CCP110: variants seen among roughly 807,000 people sequenced by gnomAD.
The protein encoded by CCP110 is centriolar coiled-coil protein 110.
A neutral mutation model predicts 105.5 loss-of-function variants in CCP110; 43 were observed. That is an observed-to-expected ratio of 0.41 (90% CI 0.32 to 0.53). The LOEUF (loss-of-function observed/expected upper bound fraction) is 0.53. Among genes scored for constraint, CCP110 ranks in the 20% least tolerant of loss-of-function variants. The probability of loss-of-function intolerance (pLI) is 0.32; values close to 1 mark genes in which losing one functional copy is unlikely to be tolerated. For synonymous variants in CCP110, 353 were observed against 392.1 expected (o/e 0.90, Z 1.18); for missense variants, 1,016 against 1,189.1 (o/e 0.85, Z 2.14).
exon 4 of CCP110, chr16:19,537,518 C>A (rs866623157): frequency 1.2e-6 from 2 of 1,602,430 alleles, no homozygotes; most frequent in Non-Finnish European, 1.7e-6. Context: ...GCAACATTTG[C>A]CAGAAAAAAG....
At chr16:19,535,371 A>C (rs2151468681) in intron 3 of CCP110, among the ~76,000 whole-genome samples, 1 of 152,258 alleles carries the variant, frequency 6.6e-6, no homozygotes, top group Middle Eastern at 3.4e-3. Flanking sequence ...TTTTGAGACA[A>C]AGTTTAGTTA....
In CCP110 at chr16:19,542,871, C is replaced by A; in HGVS notation, c.2368-7C>A. 6.3e-7 allele frequency: 1 copy of A among 1,578,402 alleles called. No homozygotes were observed. The highest frequency in any genetic ancestry group is 8.7e-7 in the Non-Finnish European group (1 of 1,147,922). On this transcript the variant is annotated splice_polypyrimidine_tract_variant and splice_region_variant and intron_variant, in intron 7 of 14. Transcript: ENST00000381396. ...AATAAACATTGTGTCTGTCTTCTTT[C>A]TCCTAGGTTTTTAGTCTGGAAATAC... is the stretch of plus-strand genomic sequence containing the variant.
At position 19,548,092 on chromosome 16, in the gene CCP110, C is replaced by A; in HGVS notation, c.2900+78C>A. Reference sequence around the variant, plus strand: ...GAGAGGGAAAAATAAATCTAGTGTTCTTTATGTAAAGGATAATGGTTTTTC... The same window carrying A: ...GAGAGGGAAAAATAAATCTAGTGTTATTTATGTAAAGGATAATGGTTTTTC... On this transcript the variant is annotated intron_variant, in intron 13 of 14. Transcript: ENST00000381396. The surrounding 1 kb of genome is among the most constrained non-coding windows in gnomAD (Gnocchi z 4.1). The A allele has an allele frequency of 2.0e-6, 2 of 1,004,294 alleles. No homozygotes were observed. The highest frequency in any genetic ancestry group is 3.2e-6 in the Non-Finnish European group (2 of 633,528). 62.2% of individuals were successfully genotyped at this position (1,004,294 alleles called of 1,614,324 possible).
rs762250914 is a variant in CCP110, at chr16:19,545,184, C to A, written c.2677C>A (p.Arg893Ser). 2.5e-6 allele frequency: 4 copies of A among 1,603,900 alleles called. No homozygotes were observed. In the Admixed American group the frequency reaches 5.0e-5, roughly 20 times the overall value. The stretch of plus-strand genomic sequence containing the variant: ...TATTCTACATCATGATCGAGAAGTT[C>A]GCAAAGAGAAAATGCTCAGGCAAAT... Residue 893 changes from arginine (R) to serine (S), a missense_variant, in exon 10 of 15, where the codon CGC (arginine) becomes AGC (serine). Arg to Ser is a moderately radical substitution (Grantham distance 110). Transcript: ENST00000381396.
chr16:19,532,973 T>C (rs1286148827), intron 3 of CCP110, among the ~76,000 whole-genome samples: 1 of 152,190 alleles, frequency 6.6e-6, no homozygotes, highest in African/African-American at 2.4e-5. Flanking sequence ...ATACACAAAA[T>C]GCAGTTTAGA....
intron 12 of CCP110, 85 bp from the exon 13 acceptor site, chr16:19,547,870 G>A: frequency 2.1e-6 from 2 of 936,432 alleles, no homozygotes; most frequent in Non-Finnish European, 1.8e-6. Flanking sequence ...TTACCTTACA[G>A]TCATCATCTT....
intron 8 of CCP110, among the ~76,000 whole-genome samples, chr16:19,544,128 G>A (rs1003119356): frequency 3.9e-5 from 6 of 152,204 alleles, no homozygotes; most frequent in South Asian, 2.1e-4. Context: ...CCCCTCGGAC[G>A]CCCAGCAGTA....
chr16:19,529,921 G>A (rs1176666844), intron 2 of CCP110, among the ~76,000 whole-genome samples: 1 of 152,096 alleles, frequency 6.6e-6, no homozygotes, highest in Admixed American at 6.6e-5. Flanking sequence ...GTTGAGCATG[G>A]TGCCTCACGC....
intron 2 of CCP110, among the ~76,000 whole-genome samples, chr16:19,529,127 A>ATATAATGGG (rs1332632895): frequency 1.3e-5 from 2 of 152,228 alleles, no homozygotes; most frequent in African/African-American, 4.8e-5. Context: ...AATGGTTAGA[A>ATATAATGGG]TACCACCTGG....
chr16:19,534,420 C>A (rs1969977219), intron 3 of CCP110, among the ~76,000 whole-genome samples: 1 of 152,042 alleles, frequency 6.6e-6, no homozygotes, highest in Non-Finnish European at 1.5e-5. Context: ...CCTGTAAAAC[C>A]TAAGATTCTA....
chr16:19,548,561 C>G lies in CCP110; in HGVS notation c.2947C>G (p.Pro983Ala). ...GGGGGTTGTGCAAAATAGACAGAAG[C>G]CTTCACAGAGCAGAGTGCCTAACAG... is the stretch of plus-strand genomic sequence containing the variant. The change falls in exon 14 of 15, where the codon CCT (proline) becomes GCT (alanine). Residue 983 changes from proline to alanine, a missense_variant. Pro to Ala is a conservative substitution (Grantham distance 27, BLOSUM62 -1). Transcript: ENST00000381396. The surrounding 1 kb of genome is among the most constrained non-coding windows in gnomAD (Gnocchi z 4.1). The G allele has an allele frequency of 6.5e-7, 1 of 1,549,906 alleles. No individual in the cohort carries two copies. Among genetic ancestry groups the G allele is most frequent in the Non-Finnish European group, 8.7e-7 (1 of 1,146,518 alleles).
chr16:19,545,163 C>A, exon 10 of CCP110: 1 of 1,611,810 alleles, frequency 6.2e-7, no homozygotes. Flanking sequence ...AATGTCTATT[C>A]TACATCATGA....
intron 5 of CCP110, 43 bp from the exon 6 acceptor site, chr16:19,541,844 A>G: frequency 8.8e-7 from 1 of 1,133,672 alleles, no homozygotes; most frequent in Non-Finnish European, 1.2e-6. Context: ...TTTGGGACAT[A>G]ATTAAAAGGT....
exon 3 of CCP110, chr16:19,532,515 C>T (rs367817294): frequency 1.9e-6 from 3 of 1,609,334 alleles, no homozygotes; most frequent in Admixed American, 1.7e-5. Context: ...TTTACTGACT[C>T]GTGTCCAGGA....
intron 11 of CCP110, chr16:19,546,096 CA>C (rs1360028342): frequency 3.6e-6 from 2 of 548,676 alleles, no homozygotes; most frequent in East Asian, 5.9e-5. Context: ...CTAAATTTGA[CA>C]ACATTCAACT....
At chr16:19,540,856 A>C (rs1970252684) in intron 5 of CCP110, 69 bp downstream of exon 5, 1 of 1,428,992 alleles carries the variant, frequency 7.0e-7, no homozygotes, top group Middle Eastern at 1.8e-4. Context: ...AATTTTGGTC[A>C]TGTATAGAAT....
rs1193099157 is a variant in CCP110 at position 19,537,233 on chromosome 16, G to A, written c.1564G>A (p.Val522Met). ...TATAGCAAGTCCAAACTTTGGAACT[G>A]TGAGTGGACTCAAGCCAGCCAGTAT... The change falls in exon 4 of 15, where the codon GTG becomes ATG. Residue 522 changes from valine to methionine, a missense_variant. Transcript: ENST00000381396. 4 of 1,614,030 alleles carry A rather than the reference G, an allele frequency of 2.5e-6. No homozygotes were observed. In the African/African-American group the frequency reaches 5.3e-5, roughly 22 times the overall value.
intron 5 of CCP110, among the ~76,000 whole-genome samples, chr16:19,541,403 T>C (rs910212433): frequency 5.3e-4 from 80 of 152,162 alleles, no homozygotes; most frequent in Middle Eastern, 6.8e-3. Context: ...GAGGCCGAGG[T>C]GGATGGATCA....
At chr16:19,551,236 T>C (rs552295167) in exon 15 of CCP110, 2 of 1,612,750 alleles carry the variant, frequency 1.2e-6, no homozygotes, top group South Asian at 2.2e-5. Context: ...GGCCAAATGT[T>C]GCGACAATTT....
Sources: gnomAD v4.1 joint callset for allele counts (sites outside exome capture counted in the v4.1 genomes callset) on GRCh38, gnomAD v4.1.1 for gene constraint, Gnocchi (gnomAD v3.1) non-coding constraint, MANE v1.5 for transcripts, NCBI Gene and HGNC (gene_info 2026-07-23, HGNC 2026-07-21) for gene names.